The following COQ6 variants were observed in gnomAD, a reference collection of about 807,000 sequenced individuals.
COQ6 encodes the protein ubiquinone biosynthesis monooxygenase COQ6, mitochondrial.
Under a neutral mutation model 55.5 loss-of-function variants are expected in COQ6, and 45 were observed. The ratio of observed to expected loss-of-function variants is 0.81; its 90% CI spans 0.64 to 1.04. The LOEUF (loss-of-function observed/expected upper bound fraction) is 1.04. Among genes scored for constraint, COQ6 ranks in the 50% least tolerant of loss-of-function variants. COQ6 has a pLI of 0.00. For missense variants in COQ6, 550 were observed against 601.3 expected (o/e 0.91, Z 0.89); for synonymous variants, 206 against 230.5 (o/e 0.89, Z 0.96).
chr14:73,959,885 A>T (rs1353258338), intron 8 of COQ6: 1 of 1,229,526 alleles, frequency 8.1e-7, no homozygotes, highest in Non-Finnish European at 1.0e-6. Context: ...GGTGGTTTTG[A>T]GTCAGGAAAA....
intron 1 of COQ6, among the ~76,000 whole-genome samples, chr14:73,950,903 T>C (rs1428152963): frequency 6.6e-6 from 1 of 152,268 alleles, no homozygotes; most frequent in African/African-American, 2.4e-5. Context: ...TTCATATGTT[T>C]ATTGGTCATT....
intron 1 of COQ6, among the ~76,000 whole-genome samples, chr14:73,952,066 C>T (rs890033432): frequency 6.8e-6 from 1 of 147,068 alleles, no homozygotes; most frequent in African/African-American, 2.5e-5. Context: ...TCCTCCACAG[C>T]AAAAGCTGCC....
At chr14:73,956,966 T>C (rs1230520974) in intron 4 of COQ6, among the ~76,000 whole-genome samples, 4 of 152,174 alleles carry the variant, frequency 2.6e-5, no homozygotes, top group Admixed American at 6.5e-5. Context: ...TGTACATGCA[T>C]AGGAAATTGT....
Position 73,950,512 on chromosome 14 carries a change from G to T in COQ6, c.163+17G>T, listed in dbSNP as rs112252984. The T allele has an allele frequency of 6.3e-7, 1 of 1,591,038 alleles. No individual in the cohort carries two copies. The highest frequency in any genetic ancestry group is 1.3e-5 in the African/African-American group (1 of 74,526). ...GTGCCTTGGGTAAGCCCTTCTCCAGGCTACTAGTGGCCGGAAACCGGGCCG... is the reference window on the plus strand; with the variant it reads ...GTGCCTTGGGTAAGCCCTTCTCCAGTCTACTAGTGGCCGGAAACCGGGCCG... On this transcript the variant is annotated intron_variant, in intron 1 of 11. Coordinates refer to ENST00000334571, the MANE Select transcript of COQ6 (RefSeq NM_182476.3).
In COQ6 at chr14:73,955,435, A is replaced by G. The variant is rs543414440; in HGVS notation, c.299-16A>G. 4.3e-6 allele frequency: 7 copies of G among 1,612,522 alleles called. No individual in the cohort carries two copies. Among genetic ancestry groups the G allele is most frequent in the East Asian group, 4.5e-5 (2 of 44,874 alleles). ...CTTGTGAAGTCACTCTGGTCTATAG[A>G]TCCTTTCTTTTGTAGGTTTTGGTGC... On this transcript the variant is annotated splice_polypyrimidine_tract_variant and intron_variant, in intron 2 of 11. Coordinates refer to ENST00000334571, the MANE Select transcript of COQ6 (RefSeq NM_182476.3).
chr14:73,961,092 C>A, intron 8 of COQ6, 81 bp from the exon 9 acceptor site: 1 of 1,490,620 alleles, frequency 6.7e-7, no homozygotes, highest in Non-Finnish European at 9.1e-7. Flanking sequence ...GCTTTGGTTA[C>A]AAACAAGGTT....
intron 8 of COQ6, chr14:73,960,008 C>T: frequency 9.7e-7 from 1 of 1,029,224 alleles, no homozygotes; most frequent in African/African-American, 1.7e-5. Flanking sequence ...TAAATAATAA[C>T]CTTTTGAGGG....
At chr14:73,962,035 C>T in intron 11 of COQ6, 132 bp downstream of exon 11, 1 of 1,053,126 alleles carries the variant, frequency 9.5e-7, no homozygotes, top group Admixed American at 1.9e-5. Flanking sequence ...GCAGCCTCTG[C>T]CTCCCAGGTT....
chr14:73,954,414 A>G (rs1275576823), intron 2 of COQ6, among the ~76,000 whole-genome samples: 5 of 152,238 alleles, frequency 3.3e-5, no homozygotes, highest in Non-Finnish European at 7.3e-5. Flanking sequence ...AGCCTGGGCA[A>G]CATACCAAGA....
Position 73,961,902 on chromosome 14 carries a change from A to G in COQ6, c.1376A>G (p.Lys459Arg), listed in dbSNP as rs775172574. ...LQATNAVSPL[K>R]EQIMAFASK is the part of the protein sequence containing the mutation. Reference sequence around the variant, plus strand: ...GCCACAAATGCAGTGTCTCCACTCAAAGTAAGAGGTTGCTCAGAGGAATGA... The same window carrying G: ...GCCACAAATGCAGTGTCTCCACTCAGAGTAAGAGGTTGCTCAGAGGAATGA... The change falls in exon 11 of 12, where the codon AAA (lysine) becomes AGA (arginine). Residue 459 changes from lysine (K) to arginine (R), a missense_variant and splice_region_variant. By Grantham distance (26) the Lys-to-Arg change is conservative. Coordinates refer to ENST00000334571, the MANE Select transcript of COQ6 (RefSeq NM_182476.3). 2 of 1,614,128 alleles carry G rather than the reference A, an allele frequency of 1.2e-6. No individual in the cohort carries two copies. Among genetic ancestry groups the G allele is most frequent in the African/African-American group, 1.3e-5 (1 of 75,032 alleles).
chr14:73,958,100 T>C (rs774101502), intron 4 of COQ6, 47 bp from the exon 5 acceptor site: 2 of 1,503,026 alleles, frequency 1.3e-6, no homozygotes, highest in Non-Finnish European at 1.9e-6. Flanking sequence ...CCTCAGCCTA[T>C]GTGGCCCACC....
chr14:73,950,541 A>G, intron 1 of COQ6, 46 bp downstream of exon 1: 1 of 1,561,620 alleles, frequency 6.4e-7, no homozygotes. Context: ...CGGGCCGCGG[A>G]GGCACGATGA....
chr14:73,953,351 A>T, intron 1 of COQ6, 84 bp from the exon 2 acceptor site: 1 of 1,157,484 alleles, frequency 8.6e-7, no homozygotes, highest in Non-Finnish European at 1.3e-6. Flanking sequence ...TCTAAGGGTT[A>T]AGTGGTTACT....
Position 73,961,914 on chromosome 14 carries a change from G to A in COQ6, c.1377+11G>A, listed in dbSNP as rs1396814099. 1.9e-6 allele frequency: 3 copies of A among 1,613,932 alleles called. No individual in the cohort carries two copies. Among genetic ancestry groups the A allele is most frequent in the Non-Finnish European group, 2.5e-6 (3 of 1,179,964 alleles). On this transcript the variant is annotated intron_variant, in intron 11 of 11. Coordinates refer to ENST00000334571, the MANE Select transcript of COQ6 (RefSeq NM_182476.3). Reference sequence around the variant, plus strand: ...GTGTCTCCACTCAAAGTAAGAGGTTGCTCAGAGGAATGACTTTGCAAACAG... The same window carrying A: ...GTGTCTCCACTCAAAGTAAGAGGTTACTCAGAGGAATGACTTTGCAAACAG...
At chr14:73,960,261 G>C in intron 8 of COQ6, 6 of 986,418 alleles carry the variant, frequency 6.1e-6, no homozygotes, top group Non-Finnish European at 7.2e-6. Flanking sequence ...ATCACTAACT[G>C]CTCAGGATTG....
chr14:73,952,267 C>T (rs77680522), intron 1 of COQ6, among the ~76,000 whole-genome samples: 10,978 of 151,046 alleles, frequency 0.073, 635 homozygotes, highest in East Asian at 0.32. Context: ...GGACCACAGG[C>T]GCCCGCCATC....
In COQ6 at chr14:73,963,080, TATTTAATTTA is replaced by T. The variant is rs775872831; in HGVS notation, c.*84_*93del. 37 of 1,154,930 alleles carry T rather than the reference TATTTAATTTA, an allele frequency of 3.2e-5. No individual in the cohort carries two copies. The South Asian group carries it at 4.0e-4, about 12-fold the overall frequency. The allele number at this position is 1,154,930 out of a possible 1,614,324, so 71.5% of individuals were successfully genotyped here. On this transcript the variant is annotated 3_prime_UTR_variant, in exon 12 of 12. Coordinates refer to ENST00000334571, the MANE Select transcript of COQ6 (RefSeq NM_182476.3). ...CCCATCATACATATTTTCAAGATCT[TATTTAATTTA>T]ATAAACTTACTTTACATTAAAATTC... is the stretch of plus-strand genomic sequence containing the variant.
At chr14:73,950,632 A>G in intron 1 of COQ6, 137 bp downstream of exon 1, 5 of 1,327,434 alleles carry the variant, frequency 3.8e-6, no homozygotes, top group Non-Finnish European at 5.1e-6. Context: ...CTCCTAGAGG[A>G]ACCCCAGGGC....
chr14:73,957,921 C>T (rs373897774), intron 4 of COQ6: 1 of 505,714 alleles, frequency 2.0e-6, no homozygotes, highest in Admixed American at 3.1e-5. Flanking sequence ...AAGAGTGCCT[C>T]TGACAGAGTT....
Sources: allele counts gnomAD v4.1 joint callset (sites outside exome capture counted in the v4.1 genomes callset), GRCh38; gene constraint gnomAD v4.1.1; transcripts MANE v1.5; gene names NCBI Gene and HGNC (gene_info 2026-07-23, HGNC 2026-07-21).